UCN3: variants seen among roughly 807,000 people sequenced by gnomAD.
UCN3 encodes the protein urocortin 3.
A neutral mutation model predicts 3.6 loss-of-function variants in UCN3; 3 were observed. That is an observed-to-expected ratio of 0.83 (90% CI 0.38 to 2.15). The LOEUF (loss-of-function observed/expected upper bound fraction) is 2.15. Among genes scored for constraint, UCN3 ranks in the 30% most tolerant of loss-of-function variants. The probability of loss-of-function intolerance (pLI) is 0.06; values close to 1 mark genes in which losing one functional copy is unlikely to be tolerated. For synonymous variants in UCN3, 100 were observed against 93.2 expected, an observed-to-expected ratio of 1.07 and a Z score of -0.42; for missense variants, 206 against 208.3, an observed-to-expected ratio of 0.99 and a Z score of 0.07.
intron 1 of UCN3, among the ~76,000 whole-genome samples, chr10:5,370,263 G>A (rs1417521293): frequency 1.0e-5 from 1 of 99,338 alleles, no homozygotes; most frequent in Non-Finnish European, 2.0e-5. Flanking sequence ...GTGTATATGC[G>A]TGTGTATATG....
At chr10:5,368,299 C>T (rs1417173123) in intron 1 of UCN3, among the ~76,000 whole-genome samples, 13 of 152,128 alleles carry the variant, frequency 8.5e-5, no homozygotes, top group African/African-American at 1.7e-4. Flanking sequence ...CCACCCAGTC[C>T]GGCCAGCACC....
rs1834122289 is a variant in UCN3, at chr10:5,366,884, C to A, written c.-7+1654C>A. ...GAAAGGTCTGCTACCTGCAGATGCA[C>A]CAAGAACAGAGCGCCACGCAGGACA... On this transcript the variant is annotated intron_variant, in intron 1 of 1. Coordinates refer to ENST00000380433, the MANE Select transcript of UCN3 (RefSeq NM_053049.4). This position sits in a 1 kb window ranked among gnomAD's most constrained non-coding sequence, Gnocchi z 4.2. Among the ~76,000 whole-genome samples, 1 of 152,158 alleles carries A rather than the reference C, an allele frequency of 6.6e-6. No individual in the cohort carries two copies. The highest frequency in any genetic ancestry group is 1.5e-5 in the Non-Finnish European group (1 of 68,040).
rs1399860198 is a variant in UCN3 at position 5,367,310 on chromosome 10, CA to C, written c.-7+2084del. Among the ~76,000 whole-genome samples the C allele has an allele frequency of 6.6e-6, 1 of 152,126 alleles. No homozygotes were observed. The highest frequency in any genetic ancestry group is 1.9e-4 in the East Asian group (1 of 5,190). ...CATGTATGATTTCATAATTAAAAAA[CA>C]AAACCAAAAAAGTATGCCATATAAA... On this transcript the variant is annotated intron_variant, in intron 1 of 1. Transcript: ENST00000380433. The surrounding 1 kb of genome is among the most constrained non-coding windows in gnomAD (Gnocchi z 4.3).
intron 1 of UCN3, among the ~76,000 whole-genome samples, chr10:5,370,711 G>GTGTGTGT (rs1361867508): frequency 1.5e-5 from 1 of 65,016 alleles, no homozygotes; most frequent in African/African-American, 7.1e-5. Context: ...GTGTGTATAT[G>GTGTGTGT]ATGTGTGTGT....
chr10:5,369,985 ATATGTGTG>A (rs1831326872), intron 1 of UCN3, among the ~76,000 whole-genome samples: 1 of 53,880 alleles, frequency 1.9e-5, no homozygotes, highest in Non-Finnish European at 3.4e-5. Context: ...ATGCGTGTGT[ATATGTGTG>A]TATGTGTGTG....
At position 5,369,985 on chromosome 10, in the gene UCN3, A is replaced by ATG. The variant is rs1186772038; in HGVS notation, c.-6-3729_-6-3728insGT. Among the ~76,000 whole-genome samples, 6 of 53,908 alleles carry ATG rather than the reference A, an allele frequency of 1.1e-4. 1 individual carries two copies. Among genetic ancestry groups the ATG allele is most frequent in the African/African-American group, 6.2e-4 (6 of 9,602 alleles). 35.4% of individuals were successfully genotyped at this position (53,908 alleles called of 152,430 possible). A position where few individuals can be genotyped will look rare whatever the true frequency, so the allele number is the denominator to read the frequency against. On this transcript the variant is annotated intron_variant, in intron 1 of 1. Coordinates refer to ENST00000380433, the MANE Select transcript of UCN3 (RefSeq NM_053049.4). Reference sequence around the variant, plus strand: ...TATATGCGTGTGTATATGCGTGTGTATATGTGTGTATGTGTGTGTGTATGT... The same window carrying ATG: ...TATATGCGTGTGTATATGCGTGTGTATGTATGTGTGTATGTGTGTGTGTATGT...
chr10:5,373,681 A>G, intron 1 of UCN3, 34 bp from the exon 2 acceptor site: 1 of 1,598,662 alleles, frequency 6.3e-7, no homozygotes, highest in Non-Finnish European at 8.5e-7. Context: ...CGCCCCTCCC[A>G]TGCCCCTGCC....
intron 1 of UCN3, among the ~76,000 whole-genome samples, chr10:5,369,993 GTATGTGTGTGTGTATGTGTGTGTA>G (rs1831327907): frequency 1.2e-5 from 1 of 86,022 alleles, no homozygotes; most frequent in Non-Finnish European, 2.4e-5. Context: ...GTATATGTGT[GTATGTGTGTGTGTATGTGTGTGTA>G]TATGTGTGTG....
intron 1 of UCN3, among the ~76,000 whole-genome samples, chr10:5,373,118 G>A (rs1831453138): frequency 6.6e-6 from 1 of 152,172 alleles, no homozygotes; most frequent in African/African-American, 2.4e-5. Context: ...AAATCATAAA[G>A]TCTACAGTAA....
chr10:5,371,029 G>A (rs1352423002), intron 1 of UCN3, among the ~76,000 whole-genome samples: 1 of 147,896 alleles, frequency 6.8e-6, no homozygotes, highest in Non-Finnish European at 1.5e-5. Context: ...ATACGTGTGT[G>A]CATGTGTCTA....
rs1302688084 is a variant in UCN3 at position 5,370,750 on chromosome 10, GATGTGTGTGTAT to G, written c.-6-2961_-6-2950del. Among the ~76,000 whole-genome samples the G allele has an allele frequency of 3.8e-5, 3 of 79,432 alleles. 1 individual carries two copies. The highest frequency in any genetic ancestry group is 1.6e-4 in the African/African-American group (3 of 18,858). The allele number at this position is 79,432 out of a possible 152,430, so 52.1% of individuals were successfully genotyped here. A position where few individuals can be genotyped will look rare whatever the true frequency, so the allele number is the denominator to read the frequency against. ...TGCGTGTGTATATGTGTGTGTATAT[GATGTGTGTGTAT>G]ATGCGTGTGTATATGCGTGTGTGTG... On this transcript the variant is annotated intron_variant, in intron 1 of 1. Coordinates refer to ENST00000380433, the MANE Select transcript of UCN3 (RefSeq NM_053049.4).
chr10:5,370,388 CGTGTGTATATGT>C lies in UCN3; in HGVS notation c.-6-3308_-6-3297del, dbSNP rs1831360209. ...ATGCGTGTGTATATGCGTGTATATGCGTGTGTATATGTGTGTGTATATGTGTGTGTGTATATG... is the reference window on the plus strand; with the variant it reads ...ATGCGTGTGTATATGCGTGTATATGCGTGTGTATATGTGTGTGTGTATATG... On this transcript the variant is annotated intron_variant, in intron 1 of 1. Coordinates refer to ENST00000380433, the MANE Select transcript of UCN3 (RefSeq NM_053049.4). Among the ~76,000 whole-genome samples, 4 of 27,968 alleles carry C rather than the reference CGTGTGTATATGT, an allele frequency of 1.4e-4. 1 individual carries two copies. Among genetic ancestry groups the C allele is most frequent in the Non-Finnish European group, 2.2e-4 (4 of 18,140 alleles). 18.3% of individuals were successfully genotyped at this position (27,968 alleles called of 152,430 possible). A position where few individuals can be genotyped will look rare whatever the true frequency, so the allele number is the denominator to read the frequency against.
rs1554810691 is a variant in UCN3 at position 5,366,172 on chromosome 10, G to A, written c.-7+942G>A. ...CTGCTTCATGTCCTGTCCTCTCCCT[G>A]TGAGGTGCTGGGAATTGGAGGCTGA... On this transcript the variant is annotated intron_variant, in intron 1 of 1. Coordinates refer to ENST00000380433, the MANE Select transcript of UCN3 (RefSeq NM_053049.4). This position sits in a 1 kb window ranked among gnomAD's most constrained non-coding sequence, Gnocchi z 4.2. Among the ~76,000 whole-genome samples, 1 of 152,152 alleles carries A rather than the reference G, an allele frequency of 6.6e-6. No homozygotes were observed. Among genetic ancestry groups the A allele is most frequent in the African/African-American group, 2.4e-5 (1 of 41,430 alleles).
In UCN3 at chr10:5,365,944, T is replaced by A. The variant is rs1834113437; in HGVS notation, c.-7+714T>A. Among the ~76,000 whole-genome samples the A allele has an allele frequency of 6.6e-6, 1 of 152,224 alleles. No homozygotes were observed. Among genetic ancestry groups the A allele is most frequent in the Non-Finnish European group, 1.5e-5 (1 of 68,038 alleles). On this transcript the variant is annotated intron_variant, in intron 1 of 1. Transcript: ENST00000380433. This position sits in a 1 kb window ranked among gnomAD's most constrained non-coding sequence, Gnocchi z 4.4. ...AGGGGAGATGGATGTTTGATGTTTA[T>A]GTTTTCTGAAAATTCCTGTTCGCAA...
In UCN3 at chr10:5,370,716, G is replaced by GTA. The variant is rs1554811333; in HGVS notation, c.-6-2998_-6-2997insAT. Among the ~76,000 whole-genome samples the GTA allele has an allele frequency of 7.9e-5, 9 of 114,588 alleles. 1 individual carries two copies. Among genetic ancestry groups the GTA allele is most frequent in the Non-Finnish European group, 1.3e-4 (8 of 60,068 alleles). The allele number at this position is 114,588 out of a possible 152,430, so 75.2% of individuals were successfully genotyped here. On this transcript the variant is annotated intron_variant, in intron 1 of 1. Coordinates refer to ENST00000380433, the MANE Select transcript of UCN3 (RefSeq NM_053049.4). ...GTGTATATGTGTGTGTATATGATGT[G>GTA]TGTGTATATGCGTGTGTATATGTGT... is the stretch of plus-strand genomic sequence containing the variant.
chr10:5,371,031 ATG>A (rs144108743), intron 1 of UCN3, among the ~76,000 whole-genome samples: 6,600 of 134,346 alleles, frequency 0.049, 345 homozygotes, highest in East Asian at 0.17. Context: ...ACGTGTGTGC[ATG>A]TGTCTATATG....
At chr10:5,371,201 TGTATGTGTGC>T (rs1278995356) in intron 1 of UCN3, among the ~76,000 whole-genome samples, 1 of 151,228 alleles carries the variant, frequency 6.6e-6, no homozygotes, top group Non-Finnish European at 1.5e-5. Context: ...GTGTGAGGTG[TGTATGTGTGC>T]ATATGTGTGC....
rs577879562 is a variant in UCN3, at chr10:5,371,097, G to C, written c.-6-2618G>C. Reference sequence around the variant, plus strand: ...GTGTGTATGTGTGTGCATGTGTATGGTTGTGTGTATGCATGTACATGTGAG... The same window carrying C: ...GTGTGTATGTGTGTGCATGTGTATGCTTGTGTGTATGCATGTACATGTGAG... On this transcript the variant is annotated intron_variant, in intron 1 of 1. Coordinates refer to ENST00000380433, the MANE Select transcript of UCN3 (RefSeq NM_053049.4). 6.0e-3 allele frequency among the ~76,000 whole-genome samples: 860 copies of C among 142,848 alleles called. 29 individuals are homozygous for C. Among genetic ancestry groups the C allele is most frequent in the African/African-American group, 0.022 (823 of 37,496 alleles). 93.7% of individuals were successfully genotyped at this position (142,848 alleles called of 152,430 possible).
chr10:5,371,196 A>T (rs1472946205), intron 1 of UCN3, among the ~76,000 whole-genome samples: 1 of 147,156 alleles, frequency 6.8e-6, no homozygotes, highest in Admixed American at 6.8e-5. Context: ...TGTACGTGTG[A>T]GGTGTGTATG....
Sources: allele counts gnomAD v4.1 joint callset (sites outside exome capture counted in the v4.1 genomes callset), GRCh38; gene constraint gnomAD v4.1.1; non-coding constraint Gnocchi (gnomAD v3.1); transcripts MANE v1.5; gene names NCBI Gene and HGNC (gene_info 2026-07-23, HGNC 2026-07-21).